Variants in CNTNAP5 observed in about 807,000 individuals in gnomAD.
The protein encoded by CNTNAP5 is contactin-associated protein-like 5.
In CNTNAP5, 72 loss-of-function variants were observed where a neutral mutation model predicts 150.2. The observed-to-expected ratio is 0.48, with a 90% CI of 0.40 to 0.58. CNTNAP5 has a LOEUF of 0.58. Among genes scored for constraint, CNTNAP5 ranks in the 20% least tolerant of loss-of-function variants. The probability of loss-of-function intolerance (pLI) is 0.00; values close to 1 mark genes in which losing one functional copy is unlikely to be tolerated. For synonymous variants in CNTNAP5, 672 were observed against 619.8 expected, an observed-to-expected ratio of 1.08 and a Z score of -1.25; for missense variants, 1,636 against 1,626.2, an observed-to-expected ratio of 1.01 and a Z score of -0.10.
intron 21 of CNTNAP5, among the ~76,000 whole-genome samples, chr2:124,899,007 G>T (rs758733752): frequency 6.6e-6 from 1 of 151,304 alleles, no homozygotes; most frequent in Admixed American, 6.6e-5. Context: ...TTATATATTT[G>T]AAAATTGCTG....
At chr2:124,298,450 T>C (rs1376049742) in intron 3 of CNTNAP5, among the ~76,000 whole-genome samples, 1 of 152,222 alleles carries the variant, frequency 6.6e-6, no homozygotes, top group African/African-American at 2.4e-5. Flanking sequence ...ATATACCTTC[T>C]AAGCTATATA....
At position 124,358,217 on chromosome 2, in the gene CNTNAP5, G is replaced by T. The variant is rs1690078860; in HGVS notation, c.382-59226G>T. Among the ~76,000 whole-genome samples, 3 of 152,200 alleles carry T rather than the reference G, an allele frequency of 2.0e-5. No individual in the cohort carries two copies. The South Asian group carries it at 6.2e-4, about 32-fold the overall frequency. On this transcript the variant is annotated intron_variant, in intron 3 of 23. Coordinates refer to ENST00000682447, the MANE Select transcript of CNTNAP5 (RefSeq NM_001367498.1). ...GGAGATTTTGGGCTGAGACAATGGG[G>T]TTTTCTAGATATACAATCATGTCAT... is the stretch of plus-strand genomic sequence containing the variant.
At chr2:124,787,684 T>C (rs768935692) in intron 17 of CNTNAP5, among the ~76,000 whole-genome samples, 11 of 152,084 alleles carry the variant, frequency 7.2e-5, no homozygotes, top group Non-Finnish European at 1.6e-4. Context: ...ATTATTTCCT[T>C]GCTTTCCTCA....
At chr2:124,672,485 C>A (rs1489106765) in intron 13 of CNTNAP5, among the ~76,000 whole-genome samples, 12 of 152,106 alleles carry the variant, frequency 7.9e-5, no homozygotes, top group Admixed American at 7.9e-4. Context: ...GAATCTAAAT[C>A]CATCATTGAG....
intron 12 of CNTNAP5, among the ~76,000 whole-genome samples, chr2:124,621,796 A>G (rs568401273): frequency 2.2e-4 from 34 of 152,238 alleles, no homozygotes; most frequent in Admixed American, 1.7e-3. Context: ...TGAAACATTT[A>G]TTTCTCCCCA....
rs3980963 is a variant in CNTNAP5 at position 124,541,179 on chromosome 2, A to ATTTTTTTTTTTTTTTTTTTTT, written c.1649+13740_1649+13741insTTTTTTTTTTTTTTTTTTTTT. Among the ~76,000 whole-genome samples the ATTTTTTTTTTTTTTTTTTTTT allele has an allele frequency of 2.8e-3, 232 of 83,032 alleles. 22 individuals carry two copies. The highest frequency in any genetic ancestry group is 5.1e-3 in the African/African-American group (109 of 21,342). The allele number at this position is 83,032 out of a possible 152,430, so 54.5% of individuals were successfully genotyped here. Reference sequence around the variant, plus strand: ...AGAGGATAAGAAGTACAAAATTCCGATTTTTTTTTTTTTTTTTGGTGAGAA... The same window carrying ATTTTTTTTTTTTTTTTTTTTT: ...AGAGGATAAGAAGTACAAAATTCCGATTTTTTTTTTTTTTTTTTTTTTTTTTTTTTTTTTTTTTGGTGAGAA... On this transcript the variant is annotated intron_variant, in intron 10 of 23. Transcript: ENST00000682447.
At chr2:124,755,699 A>C (rs1340819264) in intron 14 of CNTNAP5, among the ~76,000 whole-genome samples, 1 of 152,200 alleles carries the variant, frequency 6.6e-6, no homozygotes, top group East Asian at 1.9e-4. Context: ...TGCCTTCATC[A>C]TGTAGCAGAA....
chr2:124,147,222 T>G (rs984294214), intron 1 of CNTNAP5, among the ~76,000 whole-genome samples: 11 of 152,186 alleles, frequency 7.2e-5, no homozygotes, highest in African/African-American at 2.7e-4. Context: ...AGAACATAAC[T>G]TCTTCTTTAA....
chr2:124,287,668 G>T (rs1412047039), intron 3 of CNTNAP5, among the ~76,000 whole-genome samples: 3 of 152,056 alleles, frequency 2.0e-5, no homozygotes, highest in Admixed American at 6.6e-5. Flanking sequence ...CTTTTGATTT[G>T]TCATCAGTGT....
chr2:124,693,125 T>A (rs1340418666), intron 13 of CNTNAP5, among the ~76,000 whole-genome samples: 2 of 152,100 alleles, frequency 1.3e-5, no homozygotes, highest in Non-Finnish European at 2.9e-5. Flanking sequence ...CGGGTTCAAA[T>A]CTTGGCTTCA....
At chr2:124,798,550 C>T (rs1681897879) in intron 19 of CNTNAP5, among the ~76,000 whole-genome samples, 1 of 152,188 alleles carries the variant, frequency 6.6e-6, no homozygotes, top group Non-Finnish European at 1.5e-5. Flanking sequence ...CTTTAATTTG[C>T]CTCAACTGAA....
At chr2:124,728,234 G>A (rs535965447) in intron 13 of CNTNAP5, among the ~76,000 whole-genome samples, 10 of 152,046 alleles carry the variant, frequency 6.6e-5, no homozygotes, top group South Asian at 4.1e-4. Flanking sequence ...GTTCATCAGC[G>A]ATGTTGGCTG....
intron 3 of CNTNAP5, among the ~76,000 whole-genome samples, chr2:124,245,821 C>T (rs978025530): frequency 1.3e-5 from 2 of 151,908 alleles, no homozygotes; most frequent in African/African-American, 2.4e-5. Flanking sequence ...GTTTTGATGT[C>T]CTGGGCTCAA....
intron 3 of CNTNAP5, among the ~76,000 whole-genome samples, chr2:124,377,710 AC>A (rs1690686190): frequency 1.3e-5 from 2 of 148,278 alleles, no homozygotes; most frequent in East Asian, 2.2e-4. Flanking sequence ...AAATAAATGC[AC>A]CTTTTTTTTT....
intron 3 of CNTNAP5, among the ~76,000 whole-genome samples, chr2:124,409,824 G>C (rs1271646899): frequency 6.6e-6 from 1 of 151,914 alleles, no homozygotes; most frequent in Non-Finnish European, 1.5e-5. Flanking sequence ...ATCAACTAAC[G>C]AGCAAACTCA....
intron 5 of CNTNAP5, among the ~76,000 whole-genome samples, chr2:124,440,664 G>A (rs532150296): frequency 8.1e-4 from 123 of 152,046 alleles, no homozygotes; most frequent in Admixed American, 3.2e-3. Context: ...TATAAAAATT[G>A]TTATATTTCT....
At chr2:124,361,506 T>G (rs1173551293) in intron 3 of CNTNAP5, among the ~76,000 whole-genome samples, 49 of 146,422 alleles carry the variant, frequency 3.3e-4, no homozygotes, top group African/African-American at 1.2e-3. Flanking sequence ...GTCCTTTCTG[T>G]TTGTTAGTTT....
In CNTNAP5 at chr2:124,504,337, A is replaced by G. The variant is rs778445509; in HGVS notation, c.1108A>G (p.Thr370Ala). The G allele has an allele frequency of 1.9e-6, 3 of 1,613,932 alleles. No homozygotes were observed. Among genetic ancestry groups the G allele is most frequent in the Non-Finnish European group, 2.5e-6 (3 of 1,179,844 alleles). The change falls in exon 8 of 24, where the codon ACA (threonine) becomes GCA (alanine). Residue 370 changes from threonine to alanine, a missense_variant. Physicochemically the swap from Thr to Ala is moderately conservative, Grantham distance 58. Transcript: ENST00000682447. ...CTCCGAACCACAGATTGTGCCCATC[A>G]CATTTGTCAACTCCAGCGGCAGCTA... is the stretch of plus-strand genomic sequence containing the variant. The part of the protein sequence containing the change: ...SCSEPQIVPI[T>A]FVNSSGSYLL...
rs1291710610 is a variant in CNTNAP5 at position 124,850,433 on chromosome 2, T to C, written c.3218-14873T>C. Among the ~76,000 whole-genome samples, 4 of 151,728 alleles carry C rather than the reference T, an allele frequency of 2.6e-5. No homozygotes were observed. The South Asian group carries it at 8.4e-4, about 32-fold the overall frequency. On this transcript the variant is annotated intron_variant, in intron 19 of 23. Transcript: ENST00000682447. ...TGTGACATGAGGATAGAAGCAGAGA[T>C]TGGAGCAATGCACACCAAAGAACAA... is the stretch of plus-strand genomic sequence containing the variant.
Sources: gnomAD v4.1 joint callset for allele counts (sites outside exome capture counted in the v4.1 genomes callset) on GRCh38, gnomAD v4.1.1 for gene constraint, MANE v1.5 for transcripts, NCBI Gene and HGNC (gene_info 2026-07-23, HGNC 2026-07-21) for gene names.